The following TBCE variants were observed in gnomAD, a reference collection of about 807,000 sequenced individuals.
TBCE encodes the protein tubulin-specific chaperone E.
Under a neutral mutation model 77.0 loss-of-function variants are expected in TBCE, and 53 were observed. The observed-to-expected ratio is 0.69, with a 90% confidence interval of 0.55 to 0.87. The LOEUF (loss-of-function observed/expected upper bound fraction) is 0.87, where lower values mean the gene tolerates loss of function less well. Among genes scored for constraint, TBCE ranks in the 40% least tolerant of loss-of-function variants. The pLI, the probability that TBCE is intolerant of heterozygous loss-of-function variation, is 0.00. For missense variants in TBCE, 624 were observed against 622.4 expected (o/e 1.00, Z -0.03); for synonymous variants, 235 against 241.3 (o/e 0.97, Z 0.24).
chr1:235,412,746 G>A (rs940913675), intron 3 of TBCE, among the ~76,000 whole-genome samples: 9 of 152,130 alleles, frequency 5.9e-5, no homozygotes, highest in African/African-American at 1.9e-4. Context: ...AAAACTGTAC[G>A]TATGTTTATG....
chr1:235,380,039 G>C lies in TBCE; in HGVS notation c.-11G>C. 6.2e-7 allele frequency: 1 copy of C among 1,608,142 alleles called. No individual in the cohort carries two copies. The highest frequency in any genetic ancestry group is 1.1e-5 in the South Asian group (1 of 90,950). On this transcript the variant is annotated 5_prime_UTR_variant, in exon 2 of 17. Transcript: ENST00000642610. ...CCTAGATCTCATATTTTGGATTCTG[G>C]ATATATTATAATGAGTGACACTTTG...
intron 3 of TBCE, among the ~76,000 whole-genome samples, chr1:235,410,027 C>A (rs1305625725): frequency 1.4e-5 from 2 of 147,670 alleles, no homozygotes; most frequent in Admixed American, 1.3e-4. Context: ...GAGACTCTGT[C>A]TCAAACAAAA....
At chr1:235,441,752 GTTTT>G in intron 13 of TBCE, 58 bp from the exon 14 acceptor site, 1 of 1,486,046 alleles carries the variant, frequency 6.7e-7, no homozygotes, top group Non-Finnish European at 9.4e-7. Flanking sequence ...TTGTTTGTTT[GTTTT>G]GTTTTTACTT....
At chr1:235,433,922 C>T in intron 7 of TBCE, 1 of 500,194 alleles carries the variant, frequency 2.0e-6, no homozygotes, top group South Asian at 2.4e-5. Context: ...ATCTCCTGTT[C>T]CACCTCGTAG....
In TBCE at chr1:235,387,102, C is replaced by T. The variant is rs534777034; in HGVS notation, c.100+6953C>T. 4.1e-4 allele frequency among the ~76,000 whole-genome samples: 62 copies of T among 152,336 alleles called. No homozygotes were observed. The East Asian group carries it at 0.012, about 28-fold the overall frequency. On this transcript the variant is annotated intron_variant, in intron 2 of 16. Coordinates refer to ENST00000642610, the MANE Select transcript of TBCE (RefSeq NM_003193.5). ...GCCTGGGTATCAGCAGCAGTGGCTG[C>T]AGAACAGCGGATTTTCGTGAACCGC...
intron 5 of TBCE, among the ~76,000 whole-genome samples, chr1:235,425,087 ACTC>A (rs1680632241): frequency 6.6e-6 from 1 of 151,720 alleles, no homozygotes; most frequent in African/African-American, 2.4e-5. Flanking sequence ...TGTGGCTGGC[ACTC>A]CTCCACGGCC....
At chr1:235,368,634 C>G (rs548077852) in intron 1 of TBCE, among the ~76,000 whole-genome samples, 3 of 142,314 alleles carry the variant, frequency 2.1e-5, no homozygotes, top group Non-Finnish European at 3.0e-5. Flanking sequence ...TCTCAGCTCA[C>G]TGCAACCACG....
chr1:235,385,042 AC>A (rs757261509), intron 2 of TBCE, among the ~76,000 whole-genome samples: 34 of 152,230 alleles, frequency 2.2e-4, no homozygotes, highest in African/African-American at 7.9e-4. Flanking sequence ...GTTTCAAAGA[AC>A]ATCTTTATTT....
chr1:235,447,307 A>G (rs1682421292), intron 15 of TBCE, among the ~76,000 whole-genome samples: 1 of 152,254 alleles, frequency 6.6e-6, no homozygotes, highest in South Asian at 2.1e-4. Context: ...ATATGTTTGA[A>G]TACACTGTGA....
chr1:235,427,657 C>T (rs1431730855), intron 6 of TBCE, among the ~76,000 whole-genome samples: 1 of 152,166 alleles, frequency 6.6e-6, no homozygotes, highest in African/African-American at 2.4e-5. Flanking sequence ...CCTTTCCTGG[C>T]TGTGTAAATG....
At chr1:235,372,113 A>G (rs909511524) in intron 1 of TBCE, among the ~76,000 whole-genome samples, 2 of 152,020 alleles carry the variant, frequency 1.3e-5, no homozygotes, top group African/African-American at 4.8e-5. Flanking sequence ...TCCCAAATAC[A>G]TTGGCCTATA....
Position 235,441,823 on chromosome 1 carries a change from C to G in TBCE, c.1280C>G (p.Ala427Gly). 1 of 1,613,854 alleles carries G rather than the reference C, an allele frequency of 6.2e-7. No individual in the cohort carries two copies. Among genetic ancestry groups the G allele is most frequent in the Non-Finnish European group, 8.5e-7 (1 of 1,179,908 alleles). Residue 427 changes from alanine (A) to glycine (G), a missense_variant, in exon 14 of 17, where the codon GCA (alanine) becomes GGA (glycine). Coordinates refer to ENST00000642610, the MANE Select transcript of TBCE (RefSeq NM_003193.5). ...TTGCTTTCTTAAACAGAATATGGTG[C>G]ACCTGAAGATTGGGAACTCAAAACA... ...RYQFLCLKYGAPEDWELKTQQ... is the reference protein window; with the variant it reads ...RYQFLCLKYGGPEDWELKTQQ...
chr1:235,404,050 A>G (rs1211377816), intron 3 of TBCE, among the ~76,000 whole-genome samples: 2 of 152,202 alleles, frequency 1.3e-5, no homozygotes, highest in African/African-American at 2.4e-5. Flanking sequence ...AGGCCAAGGC[A>G]GGCGGATCAC....
At chr1:235,407,579 G>T (rs1229402071) in intron 3 of TBCE, among the ~76,000 whole-genome samples, 1 of 152,158 alleles carries the variant, frequency 6.6e-6, no homozygotes, top group Admixed American at 6.6e-5. Flanking sequence ...ACAACAGGCA[G>T]TCTCAGCAGC....
At chr1:235,415,429 A>C (rs989941093) in intron 4 of TBCE, 1 of 152,254 alleles carries the variant, frequency 6.6e-6, no homozygotes, top group Non-Finnish European at 1.5e-5. Flanking sequence ...ACACAAAACC[A>C]GTCATGGCTG....
At position 235,446,313 on chromosome 1, in the gene TBCE, A is replaced by G. The variant is rs911153252; in HGVS notation, c.1400-2036A>G. Among the ~76,000 whole-genome samples, 14 of 152,154 alleles carry G rather than the reference A, an allele frequency of 9.2e-5. No individual in the cohort carries two copies. In the South Asian group the frequency reaches 2.5e-3, roughly 27 times the overall value. On this transcript the variant is annotated intron_variant, in intron 15 of 16. Coordinates refer to ENST00000642610, the MANE Select transcript of TBCE (RefSeq NM_003193.5). ...GGCCTCAGCTTCCCAAGTAGCTGGGATAACAGGTGCCCGCCACCATGCCTG... is the reference window on the plus strand; with the variant it reads ...GGCCTCAGCTTCCCAAGTAGCTGGGGTAACAGGTGCCCGCCACCATGCCTG...
intron 8 of TBCE, 76 bp from the exon 9 acceptor site, chr1:235,435,669 C>T: frequency 2.9e-6 from 4 of 1,390,680 alleles, no homozygotes; most frequent in Non-Finnish European, 4.1e-6. Context: ...GCACCAAATG[C>T]AGGGATTTTA....
intron 6 of TBCE, 97 bp downstream of exon 6, chr1:235,427,336 G>A: frequency 2.2e-6 from 2 of 928,294 alleles, no homozygotes; most frequent in Non-Finnish European, 3.5e-6. Context: ...GGAGCCGGAA[G>A]GGTTAAGGCT....
intron 4 of TBCE, 94 bp downstream of exon 4, chr1:235,414,712 T>C: frequency 7.8e-7 from 1 of 1,284,806 alleles, no homozygotes; most frequent in Admixed American, 1.8e-5. Context: ...GCTCATGACT[T>C]TGCTCCTAAA....
Sources: allele counts gnomAD v4.1 joint callset (sites outside exome capture counted in the v4.1 genomes callset), GRCh38; gene constraint gnomAD v4.1.1; transcripts MANE v1.5; gene names NCBI Gene and HGNC (gene_info 2026-07-23, HGNC 2026-07-21).